The following AGXT2 variants were observed in gnomAD, a reference collection of about 807,000 sequenced individuals.
The protein encoded by AGXT2 is alanine--glyoxylate aminotransferase 2.
In AGXT2, 61 loss-of-function variants were observed where a neutral mutation model predicts 62.5. That is an observed-to-expected ratio of 0.98 (90% CI 0.79 to 1.21). AGXT2 has a LOEUF of 1.21. AGXT2 is among the 50% of genes most tolerant of loss of function. The pLI, the probability that AGXT2 is intolerant of heterozygous loss-of-function variation, is 0.00. For missense variants in AGXT2, 666 were observed against 641.5 expected (o/e 1.04, Z -0.41); for synonymous variants, 243 against 218.7 (o/e 1.11, Z -0.98).
intron 9 of AGXT2, among the ~76,000 whole-genome samples, chr5:35,024,007 G>A (rs1445625063): frequency 2.0e-5 from 3 of 151,958 alleles, no homozygotes; most frequent in East Asian, 3.9e-4. Flanking sequence ...ATTCTCCTGC[G>A]TCAGCGTCCT....
chr5:35,036,825 C>T lies in AGXT2; in HGVS notation c.486+117G>A, dbSNP rs1341880872. On this transcript the variant is annotated intron_variant, in intron 4 of 13. Transcript: ENST00000231420. The stretch of plus-strand genomic sequence containing the variant: ...CACAGGCTAAATTCCCTGCCCATGT[C>T]CCTGCTTCCTAGGGACGCTCCCCTA... 6.0e-6 allele frequency: 9 copies of T among 1,495,186 alleles called. No homozygotes were observed. The African/African-American group carries it at 6.9e-5, about 11-fold the overall frequency. The allele number at this position is 1,495,186 out of a possible 1,614,324, so 92.6% of individuals were successfully genotyped here.
At chr5:35,011,678 T>C (rs903992863) in intron 11 of AGXT2, among the ~76,000 whole-genome samples, 3 of 152,082 alleles carry the variant, frequency 2.0e-5, no homozygotes, top group Non-Finnish European at 4.4e-5. Context: ...AGTGGGACTG[T>C]AAATTAGTAC....
At chr5:35,042,015 C>T (rs1054621480) in intron 1 of AGXT2, among the ~76,000 whole-genome samples, 1 of 152,092 alleles carries the variant, frequency 6.6e-6, no homozygotes, top group Non-Finnish European at 1.5e-5. Flanking sequence ...TCTCTGCATT[C>T]GTTGTGCTTC....
Position 35,039,393 on chromosome 5 carries a change from T to C in AGXT2, c.293A>G (p.Asp98Gly), listed in dbSNP as rs778850748. The C allele has an allele frequency of 1.9e-6, 3 of 1,614,148 alleles. No homozygotes were observed. In the Admixed American group the frequency reaches 5.0e-5, roughly 27 times the overall value. ...LHQGHMEWLFDAEGSRYLDFF... is the reference protein window; with the variant it reads ...LHQGHMEWLFGAEGSRYLDFF... ...ATCCAGGTATCTGCTTCCTTCAGCA[T>C]CAAAGAGCCACTCCATGTGCCCCTG... is the stretch of plus-strand genomic sequence containing the variant. Residue 98 changes from aspartate (D) to glycine (G), a missense_variant, in exon 3 of 14, where the codon GAT becomes GGT. Coordinates refer to ENST00000231420, the MANE Select transcript of AGXT2 (RefSeq NM_031900.4).
chr5:35,015,421 T>C (rs1300122426), intron 9 of AGXT2, among the ~76,000 whole-genome samples: 1 of 152,192 alleles, frequency 6.6e-6, no homozygotes, highest in Non-Finnish European at 1.5e-5. Flanking sequence ...TGGTGAAGTC[T>C]CCTCGATTTC....
Position 35,009,987 on chromosome 5 carries a change from G to C in AGXT2, c.1338+13C>G. The C allele has an allele frequency of 6.2e-7, 1 of 1,614,150 alleles. No individual in the cohort carries two copies. The highest frequency in any genetic ancestry group is 8.5e-7 in the Non-Finnish European group (1 of 1,180,036). ...TCCAAGCAGCTGAGAGAGAGGGGCAGATTAGCACCTACCTTATCCTGCACC... is the reference window on the plus strand; with the variant it reads ...TCCAAGCAGCTGAGAGAGAGGGGCACATTAGCACCTACCTTATCCTGCACC... On this transcript the variant is annotated intron_variant, in intron 12 of 13. Coordinates refer to ENST00000231420, the MANE Select transcript of AGXT2 (RefSeq NM_031900.4).
chr5:35,013,803 GC>G (rs1360869570), intron 10 of AGXT2, among the ~76,000 whole-genome samples, 183 bp downstream of exon 10: 5 of 145,314 alleles, frequency 3.4e-5, no homozygotes, highest in Non-Finnish European at 6.1e-5. Flanking sequence ...AAAAAAAAGG[GC>G]TGGCTTTCTT....
chr5:35,045,100 C>T (rs554014097), intron 1 of AGXT2, among the ~76,000 whole-genome samples: 1 of 152,330 alleles, frequency 6.6e-6, no homozygotes, highest in African/African-American at 2.4e-5. Flanking sequence ...GAATGCCCCA[C>T]TGAGATATTT....
chr5:35,008,985 G>A (rs1041462707), intron 12 of AGXT2, among the ~76,000 whole-genome samples: 2 of 152,196 alleles, frequency 1.3e-5, no homozygotes, highest in Non-Finnish European at 2.9e-5. Context: ...AGATTTGAGA[G>A]ACATGGGAGA....
chr5:35,008,802 C>A (rs1465468627), intron 12 of AGXT2, among the ~76,000 whole-genome samples: 2 of 152,040 alleles, frequency 1.3e-5, no homozygotes, highest in Non-Finnish European at 2.9e-5. Context: ...GTGGTAAAAC[C>A]AAAGAGGTAG....
At chr5:35,023,161 G>T in intron 9 of AGXT2, among the ~76,000 whole-genome samples, 1 of 66,032 alleles carries the variant, frequency 1.5e-5, no homozygotes, top group African/African-American at 4.1e-5. Context: ...GGTGATGGCA[G>T]ATGTAAAAAA....
chr5:35,043,680 C>T (rs897749959), intron 1 of AGXT2, among the ~76,000 whole-genome samples: 1 of 152,040 alleles, frequency 6.6e-6, no homozygotes, highest in African/African-American at 2.4e-5. Flanking sequence ...CCATAGGCAC[C>T]AGCCACCATG....
chr5:35,023,299 T>G (rs1767188227), intron 9 of AGXT2, among the ~76,000 whole-genome samples: 1 of 152,078 alleles, frequency 6.6e-6, no homozygotes, highest in Admixed American at 6.6e-5. Flanking sequence ...CAGGGCATAC[T>G]ATAGAACAGT....
In AGXT2 at chr5:35,037,025, A is replaced by G; in HGVS notation, c.403T>C (p.Trp135Arg). 1 of 1,614,212 alleles carries G rather than the reference A, an allele frequency of 6.2e-7. No homozygotes were observed. The highest frequency in any genetic ancestry group is 8.5e-7 in the Non-Finnish European group (1 of 1,180,024). Residue 135 changes from tryptophan to arginine, a missense_variant, in exon 4 of 14, where the codon TGG (tryptophan) becomes CGG (arginine). Transcript: ENST00000231420. ...TGGAAGAAGACGGTGCTTGTATGCC[A>G]CAGGCGGCCGAGCTGCTTTTGTGCC... The part of the protein sequence containing the change: ...AVAQKQLGRL[W>R]HTSTVFFHPP...
chr5:35,035,509 G>A (rs1397091770), intron 4 of AGXT2, among the ~76,000 whole-genome samples, 193 bp from the exon 5 acceptor site: 1 of 152,162 alleles, frequency 6.6e-6, no homozygotes, highest in Non-Finnish European at 1.5e-5. Context: ...TAGCCACTAA[G>A]TGCCAGACAT....
intron 12 of AGXT2, among the ~76,000 whole-genome samples, chr5:35,004,986 A>C (rs1766369560): frequency 6.6e-6 from 1 of 152,204 alleles, no homozygotes; most frequent in Non-Finnish European, 1.5e-5. Flanking sequence ...ATACATATTC[A>C]AACTTTCAGA....
chr5:35,020,142 G>T (rs1767010293), intron 9 of AGXT2, among the ~76,000 whole-genome samples: 1 of 152,160 alleles, frequency 6.6e-6, no homozygotes, highest in Admixed American at 6.5e-5. Flanking sequence ...TCTACCAGAG[G>T]TACAAGGAGG....
intron 11 of AGXT2, 157 bp downstream of exon 11, chr5:35,012,797 A>G (rs1766694766): frequency 1.3e-6 from 1 of 763,536 alleles, no homozygotes; most frequent in Non-Finnish European, 2.3e-6. Flanking sequence ...AAAAGGGAGA[A>G]GGCAGAATAA....
Position 35,031,738 on chromosome 5 carries a change from G to C in AGXT2, c.769+994C>G, listed in dbSNP as rs1169626984. On this transcript the variant is annotated intron_variant, in intron 7 of 13. Transcript: ENST00000231420. Reference sequence around the variant, plus strand: ...AGGGTTGTCAGCAGCCTGTAGGAAGGGCAGCCTTGTGTTTTGTTTGACGGA... The same window carrying C: ...AGGGTTGTCAGCAGCCTGTAGGAAGCGCAGCCTTGTGTTTTGTTTGACGGA... 2.6e-5 allele frequency among the ~76,000 whole-genome samples: 4 copies of C among 152,284 alleles called. No homozygotes were observed. The East Asian group carries it at 5.8e-4, about 22-fold the overall frequency.
Sources: gnomAD v4.1 joint callset for allele counts (sites outside exome capture counted in the v4.1 genomes callset) on GRCh38, gnomAD v4.1.1 for gene constraint, MANE v1.5 for transcripts, NCBI Gene and HGNC (gene_info 2026-07-23, HGNC 2026-07-21) for gene names.